Variants in LRRIQ1 observed in about 807,000 individuals in gnomAD.
LRRIQ1 encodes leucine rich repeats and IQ motif containing 1, also known as leucine-rich repeat- and IQ domain-containing protein 1.
In LRRIQ1, 210 loss-of-function variants were observed where a neutral mutation model predicts 211.9. That is an observed-to-expected ratio of 0.99 (90% CI 0.89 to 1.11). The LOEUF is 1.11. LRRIQ1 is among the 50% of genes most tolerant of loss of function. LRRIQ1 has a pLI of 0.00. For synonymous variants in LRRIQ1, 699 were observed against 650.1 expected (o/e 1.08, Z -1.14); for missense variants, 2,136 against 1,939.5 (o/e 1.10, Z -1.90).
chr12:85,213,082 T>A (rs1229334443), intron 24 of LRRIQ1, among the ~76,000 whole-genome samples: 2 of 151,630 alleles, frequency 1.3e-5, no homozygotes, highest in East Asian at 1.9e-4. Context: ...TTCTAGATTT[T>A]AAAAAAATCC....
intron 24 of LRRIQ1, among the ~76,000 whole-genome samples, chr12:85,228,053 T>G (rs1002182226): frequency 6.6e-6 from 1 of 152,114 alleles, no homozygotes; most frequent in African/African-American, 2.4e-5. Context: ...ATATTAGACC[T>G]AAAACCATAA....
chr12:85,241,588 G>GA (rs935863176), intron 26 of LRRIQ1, among the ~76,000 whole-genome samples: 4 of 151,698 alleles, frequency 2.6e-5, no homozygotes, highest in Non-Finnish European at 4.4e-5. Flanking sequence ...AATGTACAGT[G>GA]AAAAAAGCAA....
At chr12:85,103,680 C>T (rs1886557106) in intron 13 of LRRIQ1, among the ~76,000 whole-genome samples, 1 of 151,544 alleles carries the variant, frequency 6.6e-6, no homozygotes, top group Non-Finnish European at 1.5e-5. Flanking sequence ...GAAGAAAACA[C>T]ACTTATTCTT....
chr12:85,208,110 C>T (rs926065875), intron 24 of LRRIQ1, among the ~76,000 whole-genome samples: 3 of 150,910 alleles, frequency 2.0e-5, no homozygotes, highest in African/African-American at 7.3e-5. Context: ...TATATATATA[C>T]ATTGTGAAAT....
chr12:85,158,481 A>T (rs1213940296), intron 23 of LRRIQ1, among the ~76,000 whole-genome samples: 1 of 151,990 alleles, frequency 6.6e-6, no homozygotes, highest in Non-Finnish European at 1.5e-5. Context: ...AAATACTAAA[A>T]TAAAACAATG....
intron 7 of LRRIQ1, among the ~76,000 whole-genome samples, chr12:85,052,873 CAAT>C (rs1880498897): frequency 6.6e-6 from 1 of 151,906 alleles, no homozygotes. Context: ...CAAAAAAAGA[CAAT>C]AATAGCTCAC....
intron 15 of LRRIQ1, among the ~76,000 whole-genome samples, chr12:85,118,177 T>C (rs1164334325): frequency 1.3e-5 from 2 of 152,184 alleles, no homozygotes; most frequent in Non-Finnish European, 2.9e-5. Flanking sequence ...AAACACGATG[T>C]ATGTTATTTA....
At chr12:85,179,610 A>G (rs553172313) in intron 24 of LRRIQ1, among the ~76,000 whole-genome samples, 49 of 152,152 alleles carry the variant, frequency 3.2e-4, no homozygotes, top group South Asian at 8.3e-4. Flanking sequence ...TTCACTAATT[A>G]TACTAAAATA....
intron 24 of LRRIQ1, among the ~76,000 whole-genome samples, chr12:85,170,164 A>G (rs192503094): frequency 3.3e-5 from 5 of 151,822 alleles, no homozygotes; most frequent in African/African-American, 4.8e-5. Context: ...TTTAATCCAA[A>G]TCAGTTATAA....
Position 85,216,059 on chromosome 12 carries a change from A to G in LRRIQ1, c.4823-13458A>G, listed in dbSNP as rs191766865. 1.2e-4 allele frequency among the ~76,000 whole-genome samples: 18 copies of G among 152,328 alleles called. 1 individual carries two copies. Among genetic ancestry groups the G allele is most frequent in the African/African-American group, 4.1e-4 (17 of 41,578 alleles). ...AATTTTGCTTTAAGTTCTGAGGTAC[A>G]TGTGCGGAACGTGCAGGTTCGTTAC... On this transcript the variant is annotated intron_variant, in intron 24 of 26. Transcript: ENST00000393217.
intron 11 of LRRIQ1, among the ~76,000 whole-genome samples, chr12:85,079,173 A>T (rs1386846948): frequency 1.3e-5 from 2 of 151,992 alleles, no homozygotes. Context: ...AATCTTTAAA[A>T]GCATCTCTGG....
chr12:85,124,240 C>T lies in LRRIQ1; in HGVS notation c.3728C>T (p.Thr1243Ile). The T allele has an allele frequency of 6.2e-7, 1 of 1,614,068 alleles. No homozygotes were observed. The highest frequency in any genetic ancestry group is 8.5e-7 in the Non-Finnish European group (1 of 1,180,010). The change falls in exon 17 of 27, where the codon ACT (threonine) becomes ATT (isoleucine). Residue 1243 changes from threonine (T) to isoleucine (I), a missense_variant. Transcript: ENST00000393217. ...TTGGCCCCTACAAACAGTGACAGCACTCTGCAAAATGGAGTCTTCTACTCT... is the reference window on the plus strand; with the variant it reads ...TTGGCCCCTACAAACAGTGACAGCATTCTGCAAAATGGAGTCTTCTACTCT... ...NHLAPTNSDS[T>I]LQNGVFYSCA...
chr12:85,128,152 C>G, intron 18 of LRRIQ1, 119 bp downstream of exon 18: 1 of 847,216 alleles, frequency 1.2e-6, no homozygotes, highest in Non-Finnish European at 1.8e-6. Flanking sequence ...AGATTTATTT[C>G]TTATTCAAGT....
chr12:85,123,586 G>T (rs1402429026), intron 16 of LRRIQ1, among the ~76,000 whole-genome samples: 1 of 151,986 alleles, frequency 6.6e-6, no homozygotes, highest in Non-Finnish European at 1.5e-5. Flanking sequence ...AATTCTCTTT[G>T]CAATAGATTA....
chr12:85,213,386 T>C (rs1218211152), intron 24 of LRRIQ1, among the ~76,000 whole-genome samples: 2 of 151,910 alleles, frequency 1.3e-5, no homozygotes, highest in South Asian at 2.1e-4. Context: ...CACAACTATA[T>C]TGGATGATTT....
At position 85,126,130 on chromosome 12, in the gene LRRIQ1, A is replaced by G. The variant is rs534264324; in HGVS notation, c.4007+1611A>G. 3.9e-5 allele frequency among the ~76,000 whole-genome samples: 6 copies of G among 152,292 alleles called. No homozygotes were observed. In the South Asian group the frequency reaches 1.2e-3, roughly 32 times the overall value. On this transcript the variant is annotated intron_variant, in intron 17 of 26. Coordinates refer to ENST00000393217, the MANE Select transcript of LRRIQ1 (RefSeq NM_001079910.2). ...TAGTGCACCCTACATTCAGGAAACC[A>G]TAAAGTCAGCTTCTTTATCTGCTTT... is the stretch of plus-strand genomic sequence containing the variant.
downstream of LRRIQ1, among the ~76,000 whole-genome samples, chr12:85,246,026 A>G (rs889698483): frequency 1.3e-5 from 2 of 151,174 alleles, no homozygotes; most frequent in Non-Finnish European, 3.0e-5. Context: ...TCATCCAAGT[A>G]CTTGGCTTTA....
downstream of LRRIQ1, among the ~76,000 whole-genome samples, chr12:85,247,057 C>T (rs1488159569): frequency 1.3e-5 from 2 of 151,466 alleles, no homozygotes; most frequent in Non-Finnish European, 3.0e-5. Flanking sequence ...TTATAATCAT[C>T]ACCTAAACAT....
chr12:85,214,884 T>A lies in LRRIQ1; in HGVS notation c.4823-14633T>A, dbSNP rs151243951. Among the ~76,000 whole-genome samples the A allele has an allele frequency of 2.3e-3, 348 of 152,194 alleles. 4 individuals carry two copies. Among genetic ancestry groups the A allele is most frequent in the Non-Finnish European group, 3.8e-3 (256 of 67,998 alleles). On this transcript the variant is annotated intron_variant, in intron 24 of 26. Coordinates refer to ENST00000393217, the MANE Select transcript of LRRIQ1 (RefSeq NM_001079910.2). ...TTAAGAACCCACATACATCGAAAGATGTCATAATAGTAGTGAAACAGCAGC... is the reference window on the plus strand; with the variant it reads ...TTAAGAACCCACATACATCGAAAGAAGTCATAATAGTAGTGAAACAGCAGC...
Sources: gnomAD v4.1 joint callset for allele counts (sites outside exome capture counted in the v4.1 genomes callset) on GRCh38, gnomAD v4.1.1 for gene constraint, MANE v1.5 for transcripts, NCBI Gene and HGNC (gene_info 2026-07-23, HGNC 2026-07-21) for gene names.